Variants in ASB3 observed in about 807,000 individuals in gnomAD.
ASB3 encodes ankyrin repeat and SOCS box protein 3.
Under a neutral mutation model 54.5 loss-of-function variants are expected in ASB3, and 41 were observed. The observed-to-expected ratio is 0.75, with a 90% confidence interval of 0.59 to 0.98. ASB3 has a LOEUF of 0.98. ASB3 is among the 50% of genes least tolerant of loss of function. The probability of loss-of-function intolerance (pLI) is 0.00; values close to 1 mark genes in which losing one functional copy is unlikely to be tolerated. For synonymous variants in ASB3, 266 were observed against 221.2 expected, an observed-to-expected ratio of 1.20 and a Z score of -1.80; for missense variants, 733 against 620.0, an observed-to-expected ratio of 1.18 and a Z score of -1.94.
intron 1 of ASB3, among the ~76,000 whole-genome samples, chr2:53,780,805 C>T (rs891658251): frequency 2.0e-5 from 3 of 152,096 alleles, no homozygotes; most frequent in African/African-American, 7.2e-5. Flanking sequence ...AAATAAAATA[C>T]AACCAGAATA....
chr2:53,737,581 C>T (rs1036795612), intron 3 of ASB3, among the ~76,000 whole-genome samples: 1 of 151,974 alleles, frequency 6.6e-6, no homozygotes, highest in African/African-American at 2.4e-5. Context: ...CCATGGAACT[C>T]CTAAGACTTC....
chr2:53,769,231 C>T (rs547652764), intron 1 of ASB3, among the ~76,000 whole-genome samples: 1 of 152,208 alleles, frequency 6.6e-6, no homozygotes, highest in Non-Finnish European at 1.5e-5. Context: ...TCAGTTTTGG[C>T]TGGGCCCGGT....
chr2:53,728,031 A>G (rs1671105017), intron 5 of ASB3, among the ~76,000 whole-genome samples: 1 of 152,000 alleles, frequency 6.6e-6, no homozygotes, highest in South Asian at 2.1e-4. Flanking sequence ...TGGCCAAAAA[A>G]AGCCTAGGTA....
At chr2:53,711,530 T>TTTGGGAGTCCG (rs1233997461) in intron 7 of ASB3, among the ~76,000 whole-genome samples, 1 of 152,154 alleles carries the variant, frequency 6.6e-6, no homozygotes, top group Non-Finnish European at 1.5e-5. Context: ...ATGCCAGCAC[T>TTTGGGAGTCCG]TTGGGAGTCC....
At chr2:53,719,008 C>A (rs941812314) in intron 5 of ASB3, among the ~76,000 whole-genome samples, 2 of 152,138 alleles carry the variant, frequency 1.3e-5, no homozygotes, top group South Asian at 4.1e-4. Context: ...GCAACCTCTG[C>A]CTCCTGGGTT....
chr2:53,747,532 C>G (rs565732599), intron 3 of ASB3, among the ~76,000 whole-genome samples: 1 of 152,260 alleles, frequency 6.6e-6, no homozygotes, highest in South Asian at 2.1e-4. Flanking sequence ...GACAACGAGA[C>G]TGAAAGAACA....
chr2:53,750,795 G>C lies in ASB3; in HGVS notation c.343C>G (p.Pro115Ala). The C allele has an allele frequency of 6.4e-7, 1 of 1,562,154 alleles. No individual in the cohort carries two copies. The highest frequency in any genetic ancestry group is 2.3e-5 in the East Asian group (1 of 43,692). The change falls in exon 3 of 10, where the codon CCA becomes GCA. Residue 115 changes from proline (P) to alanine (A), a missense_variant. Transcript: ENST00000263634. The stretch of plus-strand genomic sequence containing the variant: ...ATAGCATACTTACCTAAAAACAATG[G>C]TGTCGTTTCTTCTAAAGTAGTTGCA... Reference protein sequence around the residue: ...PNATTLEETTPLFLAVENGQI... With the variant: ...PNATTLEETTALFLAVENGQI...
intron 8 of ASB3, 49 bp from the exon 9 acceptor site, chr2:53,694,063 G>T (rs371491315): frequency 6.3e-7 from 1 of 1,595,926 alleles, no homozygotes; most frequent in Admixed American, 1.7e-5. Context: ...ACATGCCAAG[G>T]GTTCGTACTT....
chr2:53,775,946 A>C (rs937382461), intron 1 of ASB3, among the ~76,000 whole-genome samples: 2 of 152,234 alleles, frequency 1.3e-5, no homozygotes, highest in African/African-American at 4.8e-5. Context: ...CTCAACTAGG[A>C]AACAAGTTAT....
At chr2:53,702,976 G>T (rs1488913932) in intron 7 of ASB3, among the ~76,000 whole-genome samples, 1 of 152,190 alleles carries the variant, frequency 6.6e-6, no homozygotes, top group Non-Finnish European at 1.5e-5. Flanking sequence ...AGTTTTGTCA[G>T]ATGTGCCCAC....
chr2:53,679,045 C>A (rs1374187337), intron 9 of ASB3, among the ~76,000 whole-genome samples: 3 of 152,132 alleles, frequency 2.0e-5, no homozygotes, highest in Admixed American at 6.6e-5. Flanking sequence ...CTATCTCATC[C>A]TTCAGGTCCC....
intron 2 of ASB3, among the ~76,000 whole-genome samples, chr2:53,762,602 A>G (rs746615164): frequency 1.3e-5 from 2 of 152,220 alleles, no homozygotes; most frequent in African/African-American, 4.8e-5. Context: ...CTTAATAATT[A>G]TAAGATTTTT....
At chr2:53,675,090 C>T (rs35833242) in intron 9 of ASB3, among the ~76,000 whole-genome samples, 12,084 of 152,162 alleles carry the variant, frequency 0.079, 523 homozygotes, top group East Asian at 0.18. Flanking sequence ...AGAATAATGC[C>T]TCATCTACAA....
intron 5 of ASB3, among the ~76,000 whole-genome samples, chr2:53,724,794 G>A (rs1457950846): frequency 3.3e-5 from 5 of 152,046 alleles, no homozygotes; most frequent in African/African-American, 9.7e-5. Context: ...ACAGATGCTA[G>A]AGAGGTTGCA....
At chr2:53,727,134 T>G (rs1671047352) in intron 5 of ASB3, among the ~76,000 whole-genome samples, 1 of 152,206 alleles carries the variant, frequency 6.6e-6, no homozygotes, top group South Asian at 2.1e-4. Context: ...GACAAGGCAC[T>G]TAAACATTCA....
At chr2:53,745,623 T>A (rs1672179542) in intron 3 of ASB3, among the ~76,000 whole-genome samples, 1 of 152,206 alleles carries the variant, frequency 6.6e-6, no homozygotes, top group African/African-American at 2.4e-5. Flanking sequence ...ATTTCCATAG[T>A]TCCATATTCA....
At chr2:53,688,300 C>T (rs72901209) in intron 9 of ASB3, among the ~76,000 whole-genome samples, 29,619 of 152,198 alleles carry the variant, frequency 0.19, 3,250 homozygotes, top group East Asian at 0.45. Flanking sequence ...GGCAATTCTC[C>T]TAAAATGACA....
At chr2:53,708,749 A>G (rs1383717500) in intron 7 of ASB3, among the ~76,000 whole-genome samples, 1 of 152,226 alleles carries the variant, frequency 6.6e-6, no homozygotes, top group Non-Finnish European at 1.5e-5. Flanking sequence ...CTTAGCAAAG[A>G]ACCTGAATGC....
At position 53,686,279 on chromosome 2, in the gene ASB3, T is replaced by G. The variant is rs139035158; in HGVS notation, c.1369+7605A>C. Among the ~76,000 whole-genome samples the G allele has an allele frequency of 7.5e-3, 1,135 of 152,290 alleles. 38 individuals carry two copies. Among genetic ancestry groups the G allele is most frequent in the Admixed American group, 0.057 (877 of 15,292 alleles). ...TAAATTCTGTAATTCAGGCCAACCA[T>G]GAAAGACAAATCATAGAGAAAATAA... On this transcript the variant is annotated intron_variant, in intron 9 of 9. Transcript: ENST00000263634.
Sources: gnomAD v4.1 joint callset for allele counts (sites outside exome capture counted in the v4.1 genomes callset) on GRCh38, gnomAD v4.1.1 for gene constraint, MANE v1.5 for transcripts, NCBI Gene and HGNC (gene_info 2026-07-23, HGNC 2026-07-21) for gene names.